Variants in DGKI observed in about 807,000 individuals in gnomAD.
The protein encoded by DGKI is diacylglycerol kinase iota.
Under a neutral mutation model 147.5 loss-of-function variants are expected in DGKI, and 55 were observed. The ratio of observed to expected loss-of-function variants is 0.37; its 90% CI spans 0.30 to 0.47. The LOEUF is 0.47. DGKI is among the 20% of genes least tolerant of loss of function. The pLI is 1.00. For missense variants in DGKI, 1,007 were observed against 1,323.8 expected (o/e 0.76, Z 3.71); for synonymous variants, 469 against 477.1 (o/e 0.98, Z 0.22).
At chr7:137,609,431 T>C (rs771188832) in intron 9 of DGKI, 104 bp downstream of exon 9, 9 of 812,870 alleles carry the variant, frequency 1.1e-5, no homozygotes, top group Non-Finnish European at 1.8e-5. Flanking sequence ...AAAGCAGTAG[T>C]AGAAGATAGA....
intron 30 of DGKI, among the ~76,000 whole-genome samples, chr7:137,406,735 C>T (rs1454977603): frequency 6.6e-6 from 1 of 152,132 alleles, no homozygotes; most frequent in African/African-American, 2.4e-5. Context: ...CTTAAAACAG[C>T]TCCATATATC....
rs565516053 is a variant in DGKI at position 137,843,846 on chromosome 7, A to C, written c.401+2616T>G. 4.0e-4 allele frequency among the ~76,000 whole-genome samples: 60 copies of C among 151,728 alleles called. 1 individual carries two copies. Among genetic ancestry groups the C allele is most frequent in the Middle Eastern group, 6.8e-3 (2 of 292 alleles). On this transcript the variant is annotated intron_variant, in intron 1 of 32. Coordinates refer to ENST00000614521, the MANE Select transcript of DGKI (RefSeq NM_001321708.2). ...TTTGCCTGTCAAGTTTCATTCCAAA[A>C]ATACACATGTTCTTCAAAAGATATT...
At chr7:137,820,029 T>C (rs1026602488) in intron 1 of DGKI, among the ~76,000 whole-genome samples, 1 of 152,192 alleles carries the variant, frequency 6.6e-6, no homozygotes, top group African/African-American at 2.4e-5. Context: ...GCATTTCTCA[T>C]CATGTGTAAG....
intron 21 of DGKI, among the ~76,000 whole-genome samples, chr7:137,496,292 G>C (rs530500756): frequency 4.6e-5 from 7 of 152,098 alleles, no homozygotes; most frequent in African/African-American, 1.7e-4. Context: ...ACAAAACACT[G>C]CTCAAAGAAA....
chr7:137,421,733 G>A (rs762613091), intron 28 of DGKI, among the ~76,000 whole-genome samples: 3 of 152,210 alleles, frequency 2.0e-5, no homozygotes, highest in Non-Finnish European at 2.9e-5. Context: ...TAAGCATGAG[G>A]ACACTTTTTT....
At chr7:137,495,577 C>T (rs995338803) in intron 21 of DGKI, among the ~76,000 whole-genome samples, 1 of 147,704 alleles carries the variant, frequency 6.8e-6, no homozygotes, top group Non-Finnish European at 1.5e-5. Flanking sequence ...ACTAGCAAAC[C>T]AAATCCAGCA....
chr7:137,584,155 T>C (rs895450251), intron 14 of DGKI, among the ~76,000 whole-genome samples: 1 of 152,168 alleles, frequency 6.6e-6, no homozygotes, highest in Non-Finnish European at 1.5e-5. Flanking sequence ...ATAAATGGCA[T>C]GGTTCACTAT....
intron 1 of DGKI, among the ~76,000 whole-genome samples, chr7:137,740,251 A>G (rs1795138373): frequency 6.6e-6 from 1 of 152,194 alleles, no homozygotes; most frequent in African/African-American, 2.4e-5. Context: ...TTCTGGAGGA[A>G]AGACCAGCTT....
chr7:137,740,672 G>A (rs1460999912), intron 1 of DGKI, among the ~76,000 whole-genome samples: 1 of 152,178 alleles, frequency 6.6e-6, no homozygotes, highest in Non-Finnish European at 1.5e-5. Flanking sequence ...ATGCTTGGCT[G>A]TTCAGTATGT....
At chr7:137,836,721 A>C (rs1201687702) in intron 1 of DGKI, among the ~76,000 whole-genome samples, 1 of 152,200 alleles carries the variant, frequency 6.6e-6, no homozygotes, top group South Asian at 2.1e-4. Context: ...AAATTCATAT[A>C]GTTTTTACAA....
intron 20 of DGKI, among the ~76,000 whole-genome samples, chr7:137,543,212 A>C (rs924260505): frequency 1.3e-5 from 2 of 152,228 alleles, no homozygotes; most frequent in Admixed American, 1.3e-4. Context: ...TGTGTCTTCC[A>C]ATGAGGACTT....
At chr7:137,401,259 C>T (rs534614917) in intron 30 of DGKI, among the ~76,000 whole-genome samples, 50 of 151,848 alleles carry the variant, frequency 3.3e-4, no homozygotes, top group Non-Finnish European at 4.9e-4. Flanking sequence ...TAGTCAGGCA[C>T]GGTGGTTCAC....
At chr7:137,436,343 A>C (rs1000722588) in intron 28 of DGKI, among the ~76,000 whole-genome samples, 3 of 152,098 alleles carry the variant, frequency 2.0e-5, no homozygotes, top group African/African-American at 4.8e-5. Context: ...CATCTTTAAT[A>C]ATCACTTTCT....
chr7:137,642,936 G>GTGTGTT (rs1172091049), intron 6 of DGKI, among the ~76,000 whole-genome samples: 11 of 147,862 alleles, frequency 7.4e-5, no homozygotes, highest in Non-Finnish European at 1.3e-4. Flanking sequence ...AATAGTGTGT[G>GTGTGTT]TGTGTGTGTG....
At chr7:137,830,783 G>A (rs912584620) in intron 1 of DGKI, among the ~76,000 whole-genome samples, 11 of 152,136 alleles carry the variant, frequency 7.2e-5, no homozygotes, top group African/African-American at 2.2e-4. Flanking sequence ...TATTAAGTAC[G>A]TAAAAAAATT....
intron 6 of DGKI, among the ~76,000 whole-genome samples, chr7:137,635,820 A>G (rs3778786): frequency 0.076 from 11,591 of 152,178 alleles, 1,366 homozygotes; most frequent in African/African-American, 0.25. Flanking sequence ...CCAGTGAGAG[A>G]AAGTAACAGT....
intron 1 of DGKI, among the ~76,000 whole-genome samples, chr7:137,826,204 T>G (rs1798052971): frequency 1.3e-5 from 2 of 152,202 alleles, no homozygotes; most frequent in South Asian, 4.1e-4. Context: ...TGCTCTCTTT[T>G]CTATGTTTCT....
Position 137,729,904 on chromosome 7 carries a change from C to T in DGKI, c.402-39902G>A, listed in dbSNP as rs115759929. ...GGGGTGGAAAAGAGGATTCATCTTGCTCGTTGACACTGATCAAACGTAGTG... is the reference window on the plus strand; with the variant it reads ...GGGGTGGAAAAGAGGATTCATCTTGTTCGTTGACACTGATCAAACGTAGTG... On this transcript the variant is annotated intron_variant, in intron 1 of 32. Transcript: ENST00000614521. Among the ~76,000 whole-genome samples, 1,070 of 152,188 alleles carry T rather than the reference C, an allele frequency of 7.0e-3. 14 individuals are homozygous for T. Among genetic ancestry groups the T allele is most frequent in the African/African-American group, 0.025 (1,021 of 41,526 alleles).
rs779667360 is a variant in DGKI, at chr7:137,577,222, A to G, written c.1761T>C (p.Val587=). Residue 587 remains valine (V), a splice_region_variant and synonymous_variant, in exon 17 of 33, where the codon GTT becomes GTC. Coordinates refer to ENST00000614521, the MANE Select transcript of DGKI (RefSeq NM_001321708.2). ...ATAAATCAACATATTCAATACTTAC[A>G]ACAACTTTAACATGTTTGGATAGAT... ...SRDLSKHVKV[V]CDGTDLTPKI... The G allele has an allele frequency of 3.4e-5, 54 of 1,588,346 alleles. No individual in the cohort carries two copies. Among genetic ancestry groups the G allele is most frequent in the Non-Finnish European group, 4.6e-5 (54 of 1,162,068 alleles).
Sources: gnomAD v4.1 joint callset for allele counts (sites outside exome capture counted in the v4.1 genomes callset) on GRCh38, gnomAD v4.1.1 for gene constraint, MANE v1.5 for transcripts, NCBI Gene and HGNC (gene_info 2026-07-23, HGNC 2026-07-21) for gene names.